PPFIA2: variants seen among roughly 807,000 people sequenced by gnomAD.
PPFIA2 encodes PPFI scaffold protein A2.
In PPFIA2, 46 loss-of-function variants were observed where a neutral mutation model predicts 175.5. The ratio of observed to expected loss-of-function variants is 0.26; its 90% CI spans 0.21 to 0.34. The LOEUF (loss-of-function observed/expected upper bound fraction) is 0.34, where lower values mean the gene tolerates loss of function less well. Ranked by LOEUF, PPFIA2 falls within the 10% of genes least tolerant of loss-of-function variation. The pLI is 1.00. For synonymous variants in PPFIA2, 568 were observed against 511.4 expected (o/e 1.11, Z -1.49); for missense variants, 1,179 against 1,506.1 (o/e 0.78, Z 3.60).
intron 4 of PPFIA2, among the ~76,000 whole-genome samples, chr12:81,631,606 A>T (rs528908962): frequency 6.6e-6 from 1 of 152,330 alleles, no homozygotes; most frequent in East Asian, 1.9e-4. Flanking sequence ...TCTTCTGTTG[A>T]TACATGGGGA....
intron 3 of PPFIA2, among the ~76,000 whole-genome samples, chr12:81,690,101 T>C (rs1428291815): frequency 1.3e-5 from 2 of 152,064 alleles, no homozygotes; most frequent in East Asian, 3.9e-4. Context: ...AGCAAGAATA[T>C]AGTGGCATTT....
chr12:81,378,954 T>C (rs1234107165), intron 9 of PPFIA2, among the ~76,000 whole-genome samples: 1 of 152,118 alleles, frequency 6.6e-6, no homozygotes, highest in Non-Finnish European at 1.5e-5. Flanking sequence ...CTTTGTATGG[T>C]GTCTCATGCA....
intron 14 of PPFIA2, among the ~76,000 whole-genome samples, chr12:81,364,381 A>G (rs993413086): frequency 6.6e-6 from 1 of 151,656 alleles, no homozygotes; most frequent in Non-Finnish European, 1.5e-5. Flanking sequence ...AAATTATTTT[A>G]TTTATGTATT....
chr12:81,737,516 G>C (rs1429090193), intron 3 of PPFIA2, among the ~76,000 whole-genome samples: 1 of 151,958 alleles, frequency 6.6e-6, no homozygotes, highest in African/African-American at 2.4e-5. Context: ...TTACAAATGA[G>C]ATGACTGTCA....
intron 3 of PPFIA2, among the ~76,000 whole-genome samples, chr12:81,739,649 GAATT>G (rs1464428143): frequency 1.3e-5 from 2 of 151,708 alleles, no homozygotes; most frequent in Non-Finnish European, 2.9e-5. Flanking sequence ...ACTCTTATAA[GAATT>G]AATAAAAAAT....
chr12:81,755,975 T>C (rs772006100), intron 2 of PPFIA2, among the ~76,000 whole-genome samples: 6 of 152,248 alleles, frequency 3.9e-5, no homozygotes, highest in East Asian at 1.9e-4. Flanking sequence ...AGATGGAAAA[T>C]ACAGACTCTT....
chr12:81,645,203 G>A (rs1233168861), intron 4 of PPFIA2, among the ~76,000 whole-genome samples: 2 of 151,694 alleles, frequency 1.3e-5, no homozygotes, highest in East Asian at 3.9e-4. Context: ...AGGAAGGAAG[G>A]AAGGAAGGAG....
chr12:81,674,541 G>A (rs907185937), intron 4 of PPFIA2, among the ~76,000 whole-genome samples: 2 of 151,962 alleles, frequency 1.3e-5, no homozygotes, highest in Non-Finnish European at 2.9e-5. Context: ...GCTGGCGCAT[G>A]CCTGTGATCT....
At chr12:81,488,127 T>A (rs1317950566) in intron 4 of PPFIA2, among the ~76,000 whole-genome samples, 1 of 151,902 alleles carries the variant, frequency 6.6e-6, no homozygotes, top group African/African-American at 2.4e-5. Context: ...TGGTCTATAT[T>A]TCATTGTCTG....
chr12:81,508,073 T>G (rs897110347), intron 4 of PPFIA2, among the ~76,000 whole-genome samples: 1 of 152,198 alleles, frequency 6.6e-6, no homozygotes, highest in South Asian at 2.1e-4. Context: ...GTAGTCACAT[T>G]GTATTAAACT....
At chr12:81,540,678 T>C (rs1316542771) in intron 4 of PPFIA2, among the ~76,000 whole-genome samples, 1 of 152,074 alleles carries the variant, frequency 6.6e-6, no homozygotes, top group African/African-American at 2.4e-5. Flanking sequence ...CATTGTTTTA[T>C]TGATACAAAT....
At chr12:81,547,671 A>G (rs1283308404) in intron 4 of PPFIA2, among the ~76,000 whole-genome samples, 1 of 152,208 alleles carries the variant, frequency 6.6e-6, no homozygotes, top group Non-Finnish European at 1.5e-5. Flanking sequence ...GAGAAAAAAC[A>G]AAGATAACTG....
chr12:81,633,188 C>G (rs1409893202), intron 4 of PPFIA2, among the ~76,000 whole-genome samples: 1 of 152,012 alleles, frequency 6.6e-6, no homozygotes, highest in Non-Finnish European at 1.5e-5. Flanking sequence ...GTCCTTCCAC[C>G]TTAATGGAGC....
At chr12:81,476,797 A>T (rs1373858246) in intron 4 of PPFIA2, among the ~76,000 whole-genome samples, 2 of 152,198 alleles carry the variant, frequency 1.3e-5, no homozygotes, top group African/African-American at 4.8e-5. Context: ...CAGCAAAGAC[A>T]TGGAACCAAC....
At chr12:81,387,117 C>G (rs969714696) in intron 8 of PPFIA2, among the ~76,000 whole-genome samples, 5 of 151,942 alleles carry the variant, frequency 3.3e-5, no homozygotes, top group Non-Finnish European at 5.9e-5. Context: ...GAAATGAAAG[C>G]CTTTAAGTCT....
intron 4 of PPFIA2, among the ~76,000 whole-genome samples, chr12:81,483,990 C>T (rs183227686): frequency 4.6e-5 from 7 of 151,890 alleles, no homozygotes; most frequent in East Asian, 1.9e-4. Flanking sequence ...AAGTATCCCT[C>T]GGGGTAGGAA....
intron 8 of PPFIA2, among the ~76,000 whole-genome samples, chr12:81,394,408 G>T (rs553329642): frequency 9.2e-5 from 14 of 151,902 alleles, no homozygotes; most frequent in Non-Finnish European, 1.2e-4. Context: ...AAGTACAACA[G>T]AGTTTAATTT....
intron 22 of PPFIA2, among the ~76,000 whole-genome samples, chr12:81,324,395 T>C (rs1457198015): frequency 1.3e-5 from 2 of 152,026 alleles, no homozygotes; most frequent in Non-Finnish European, 2.9e-5. Context: ...TATATGCAAT[T>C]GTGAAAGCTG....
chr12:81,313,914 TTAAAATA>T (rs1416168044), intron 22 of PPFIA2, among the ~76,000 whole-genome samples: 1 of 151,804 alleles, frequency 6.6e-6, no homozygotes, highest in Non-Finnish European at 1.5e-5. Context: ...TATAAATACC[TTAAAATA>T]TAAAATATAA....
Sources: allele counts gnomAD v4.1 joint callset (sites outside exome capture counted in the v4.1 genomes callset), GRCh38; gene constraint gnomAD v4.1.1; transcripts MANE v1.5; gene names NCBI Gene and HGNC (gene_info 2026-07-23, HGNC 2026-07-21).